CDH13: variants seen among roughly 807,000 people sequenced by gnomAD.
CDH13 encodes cadherin 13.
Under a neutral mutation model 63.8 loss-of-function variants are expected in CDH13, and 24 were observed. The observed-to-expected ratio is 0.38, with a 90% confidence interval of 0.27 to 0.53. The LOEUF (loss-of-function observed/expected upper bound fraction) is 0.53, where lower values mean the gene tolerates loss of function less well. CDH13 is among the 20% of genes least tolerant of loss of function. The probability of loss-of-function intolerance (pLI) is 0.85; values close to 1 mark genes in which losing one functional copy is unlikely to be tolerated. For missense variants in CDH13, 1,049 were observed against 903.1 expected, an observed-to-expected ratio of 1.16 and a Z score of -2.07; for synonymous variants, 503 against 355.3, an observed-to-expected ratio of 1.42 and a Z score of -4.67.
At chr16:83,127,990 A>G (rs1336165858) in intron 4 of CDH13, among the ~76,000 whole-genome samples, 1 of 152,162 alleles carries the variant, frequency 6.6e-6, no homozygotes, top group African/African-American at 2.4e-5. Context: ...CCAAGATGCC[A>G]GATGCCAAGG....
At chr16:82,814,910 C>A (rs2037628393) in intron 1 of CDH13, among the ~76,000 whole-genome samples, 1 of 152,100 alleles carries the variant, frequency 6.6e-6, no homozygotes, top group Non-Finnish European at 1.5e-5. Flanking sequence ...GGATTACCCG[C>A]TGGTGTCCAC....
chr16:82,747,550 G>A (rs2034232184), intron 1 of CDH13, among the ~76,000 whole-genome samples: 1 of 151,952 alleles, frequency 6.6e-6, no homozygotes. Context: ...CAAATTCTTG[G>A]GTCCTTCCTC....
chr16:82,952,252 T>C (rs1597280953), intron 2 of CDH13, among the ~76,000 whole-genome samples: 1 of 152,196 alleles, frequency 6.6e-6, no homozygotes, highest in African/African-American at 2.4e-5. Flanking sequence ...CTACCTGTCA[T>C]GTACCATCTG....
chr16:83,354,413 T>G (rs994131959), intron 6 of CDH13, among the ~76,000 whole-genome samples: 2 of 152,208 alleles, frequency 1.3e-5, no homozygotes, highest in African/African-American at 2.4e-5. Context: ...GCAGTTTCTA[T>G]GAGTCAGATA....
chr16:83,666,244 C>A (rs114730312), intron 8 of CDH13, among the ~76,000 whole-genome samples: 2 of 152,044 alleles, frequency 1.3e-5, no homozygotes, highest in Non-Finnish European at 2.9e-5. Context: ...TCATTTTAAT[C>A]TATTTAATTT....
chr16:82,950,343 G>A (rs933771068), intron 2 of CDH13, among the ~76,000 whole-genome samples: 2 of 151,926 alleles, frequency 1.3e-5, no homozygotes, highest in Non-Finnish European at 2.9e-5. Context: ...TTTTGGTAAG[G>A]ACGTGGTATG....
chr16:82,626,991 C>T lies in CDH13; in HGVS notation c.-102C>T. The T allele has an allele frequency of 7.3e-7, 1 of 1,366,204 alleles. No individual in the cohort carries two copies. Among genetic ancestry groups the T allele is most frequent in the Non-Finnish European group, 1.0e-6 (1 of 978,644 alleles). The allele number at this position is 1,366,204 out of a possible 1,614,324, so 84.6% of individuals were successfully genotyped here. On this transcript the variant is annotated 5_prime_UTR_variant, in exon 1 of 14. Coordinates refer to ENST00000567109, the MANE Select transcript of CDH13 (RefSeq NM_001257.5). ...TCTATTTGGGAAGTTGGCTGGCTGG[C>T]GAGGCAGAGCCTCTCCTCAAAGCCT...
chr16:82,636,778 A>G (rs1908706313), intron 1 of CDH13, among the ~76,000 whole-genome samples: 1 of 152,224 alleles, frequency 6.6e-6, no homozygotes, highest in Non-Finnish European at 1.5e-5. Context: ...ACCAAGACAC[A>G]ACCAAGTAAT....
At position 83,543,933 on chromosome 16, in the gene CDH13, G is replaced by A. The variant is rs113750040; in HGVS notation, c.960+57278G>A. Among the ~76,000 whole-genome samples, 1,195 of 152,322 alleles carry A rather than the reference G, an allele frequency of 7.8e-3. 15 individuals carry two copies. The highest frequency in any genetic ancestry group is 0.027 in the African/African-American group (1,137 of 41,564). On this transcript the variant is annotated intron_variant, in intron 7 of 13. Transcript: ENST00000567109. ...AAGACTTCTGAGCCACCCCATCAGTGACACTTGATGTAGCCGGTAGCAGGA... is the reference window on the plus strand; with the variant it reads ...AAGACTTCTGAGCCACCCCATCAGTAACACTTGATGTAGCCGGTAGCAGGA...
intron 1 of CDH13, among the ~76,000 whole-genome samples, chr16:82,794,005 G>A (rs1277599489): frequency 6.6e-6 from 1 of 152,040 alleles, no homozygotes; most frequent in Non-Finnish European, 1.5e-5. Context: ...CCACCAAGAA[G>A]AGCCTCCCTG....
At chr16:83,156,093 C>G (rs954631239) in intron 4 of CDH13, among the ~76,000 whole-genome samples, 4 of 152,148 alleles carry the variant, frequency 2.6e-5, no homozygotes, top group African/African-American at 9.7e-5. Context: ...AGTGTGCATT[C>G]CAGGCTAGGG....
chr16:82,746,788 G>A lies in CDH13; in HGVS notation c.46-111574G>A, dbSNP rs75730751. On this transcript the variant is annotated intron_variant, in intron 1 of 13. Transcript: ENST00000567109. ...AGCTTATAAAGAAGTTGCAAGAGTCGTACCATAGTTGGAAATACTCTGAAT... is the reference window on the plus strand; with the variant it reads ...AGCTTATAAAGAAGTTGCAAGAGTCATACCATAGTTGGAAATACTCTGAAT... Among the ~76,000 whole-genome samples the A allele has an allele frequency of 5.9e-3, 904 of 152,066 alleles. 5 individuals are homozygous for A. Among genetic ancestry groups the A allele is most frequent in the African/African-American group, 0.021 (866 of 41,514 alleles).
Position 83,678,611 on chromosome 16 carries a change from G to A in CDH13, c.1538+150G>A. 3 of 1,037,204 alleles carry A rather than the reference G, an allele frequency of 2.9e-6. No homozygotes were observed. In the East Asian group the frequency reaches 7.8e-5, roughly 27 times the overall value. 64.3% of individuals were successfully genotyped at this position (1,037,204 alleles called of 1,614,324 possible). ...TGGGAGGAAAGCGTCATAGAGAGGA[G>A]GTTGTGGCTGACGGCTGCAGAGGGC... On this transcript the variant is annotated intron_variant, in intron 10 of 13. Coordinates refer to ENST00000567109, the MANE Select transcript of CDH13 (RefSeq NM_001257.5).
At chr16:83,191,134 GTTA>G (rs1220296616) in intron 4 of CDH13, among the ~76,000 whole-genome samples, 2 of 149,924 alleles carry the variant, frequency 1.3e-5, no homozygotes, top group Admixed American at 1.3e-4. Context: ...TTTTGTTGTT[GTTA>G]TTGTTGTTGT....
At chr16:82,893,852 G>A (rs1308537440) in intron 2 of CDH13, among the ~76,000 whole-genome samples, 1 of 152,096 alleles carries the variant, frequency 6.6e-6, no homozygotes, top group African/African-American at 2.4e-5. Context: ...CTAAGCTCCT[G>A]ACTGCATGAA....
chr16:82,672,991 A>G (rs1050066207), intron 1 of CDH13, among the ~76,000 whole-genome samples: 2 of 68,222 alleles, frequency 2.9e-5, no homozygotes, highest in Non-Finnish European at 6.1e-5. Flanking sequence ...TAATTTTTAT[A>G]AAGTTTTCTT....
chr16:82,798,471 G>T (rs1035377692), intron 1 of CDH13, among the ~76,000 whole-genome samples: 1 of 152,050 alleles, frequency 6.6e-6, no homozygotes, highest in Non-Finnish European at 1.5e-5. Context: ...TAGACTTCTG[G>T]TTATTACTCT....
chr16:83,072,140 C>T (rs11864653), intron 3 of CDH13, among the ~76,000 whole-genome samples: 26,619 of 152,068 alleles, frequency 0.18, 2,768 homozygotes, highest in African/African-American at 0.29. Flanking sequence ...TACTTAGTTT[C>T]TGAAATTGTG....
intron 10 of CDH13, among the ~76,000 whole-genome samples, chr16:83,700,393 C>G (rs1906039614): frequency 1.3e-5 from 2 of 152,096 alleles, no homozygotes; most frequent in South Asian, 2.1e-4. Context: ...CTTTAGAAAC[C>G]CATGGTTGTT....
Sources: allele counts gnomAD v4.1 joint callset (sites outside exome capture counted in the v4.1 genomes callset), GRCh38; gene constraint gnomAD v4.1.1; transcripts MANE v1.5; gene names NCBI Gene and HGNC (gene_info 2026-07-23, HGNC 2026-07-21).